TMOD1: variants seen among roughly 807,000 people sequenced by gnomAD.
TMOD1 encodes the protein tropomodulin-1.
TMOD1 carries 17 observed loss-of-function variants against 40.6 expected under a neutral mutation model. That is an observed-to-expected ratio of 0.42 (90% CI 0.29 to 0.63). TMOD1 has a LOEUF of 0.63. TMOD1 is among the 20% of genes least tolerant of loss of function. The probability of loss-of-function intolerance (pLI) is 0.22; values close to 1 mark genes in which losing one functional copy is unlikely to be tolerated. For missense variants in TMOD1, 391 were observed against 447.6 expected (o/e 0.87, Z 1.14); for synonymous variants, 181 against 175.0 (o/e 1.03, Z -0.27).
chr9:97,572,749 C>T (rs1404837555), intron 8 of TMOD1, among the ~76,000 whole-genome samples: 1 of 152,182 alleles, frequency 6.6e-6, no homozygotes, highest in East Asian at 1.9e-4. Flanking sequence ...AGTCTCTGTC[C>T]TTCTTTCTCC....
intron 3 of TMOD1, among the ~76,000 whole-genome samples, chr9:97,549,356 G>C (rs1830413914): frequency 6.6e-6 from 1 of 152,162 alleles, no homozygotes; most frequent in South Asian, 2.1e-4. Context: ...CATGCCACTA[G>C]TAAGATGAAG....
chr9:97,601,681 C>T lies in TMOD1; in HGVS notation c.*1983C>T. 1 of 617,948 alleles carries T rather than the reference C, an allele frequency of 1.6e-6. No individual in the cohort carries two copies. Among genetic ancestry groups the T allele is most frequent in the Non-Finnish European group, 2.0e-6 (1 of 493,640 alleles). 38.3% of individuals were successfully genotyped at this position (617,948 alleles called of 1,614,324 possible). On this transcript the variant is annotated 3_prime_UTR_variant, in exon 10 of 10. Coordinates refer to ENST00000259365, the MANE Select transcript of TMOD1 (RefSeq NM_003275.4). Reference sequence around the variant, plus strand: ...TGTCTGTTGCAACTATTCAACTCTGCCATAGATCATGTGTAAAGGAATGGG... The same window carrying T: ...TGTCTGTTGCAACTATTCAACTCTGTCATAGATCATGTGTAAAGGAATGGG...
intron 1 of TMOD1, among the ~76,000 whole-genome samples, chr9:97,508,062 C>T (rs1466948332): frequency 1.1e-5 from 1 of 90,526 alleles, no homozygotes; most frequent in East Asian, 3.4e-4. Context: ...CTGATTCACA[C>T]ACACACACAC....
At chr9:97,519,525 C>T (rs1052550605) in intron 1 of TMOD1, among the ~76,000 whole-genome samples, 19 of 152,202 alleles carry the variant, frequency 1.2e-4, no homozygotes, top group African/African-American at 3.9e-4. Context: ...TGCTGGGAGC[C>T]CCAGCGGCTT....
At chr9:97,540,136 C>T (rs1830255974) in intron 2 of TMOD1, among the ~76,000 whole-genome samples, 2 of 152,208 alleles carry the variant, frequency 1.3e-5, no homozygotes, top group South Asian at 2.1e-4. Flanking sequence ...TTAGCTGTCA[C>T]TCTCCATCTC....
chr9:97,524,334 A>T (rs1223887362), intron 2 of TMOD1, 26 bp downstream of exon 2: 2 of 1,609,946 alleles, frequency 1.2e-6, no homozygotes, highest in East Asian at 2.2e-5. Context: ...AGGGAAGCAC[A>T]TTGTCACTAG....
At chr9:97,529,217 G>A (rs1186372632) in intron 2 of TMOD1, among the ~76,000 whole-genome samples, 1 of 152,174 alleles carries the variant, frequency 6.6e-6, no homozygotes, top group African/African-American at 2.4e-5. Context: ...AAGAGCCTGA[G>A]GTGCAGAAGT....
chr9:97,539,469 T>TCAGAC (rs1830241999), intron 2 of TMOD1, among the ~76,000 whole-genome samples: 1 of 152,198 alleles, frequency 6.6e-6, no homozygotes, highest in Non-Finnish European at 1.5e-5. Context: ...CATTTGAAAT[T>TCAGAC]TGGCCAGCTC....
At chr9:97,559,158 C>T (rs1243117375) in intron 4 of TMOD1, among the ~76,000 whole-genome samples, 1 of 152,184 alleles carries the variant, frequency 6.6e-6, no homozygotes, top group African/African-American at 2.4e-5. Context: ...ATCCCAGAAC[C>T]CCCGTGAGCT....
intron 2 of TMOD1, among the ~76,000 whole-genome samples, chr9:97,542,376 C>T (rs777897445): frequency 3.4e-4 from 51 of 152,134 alleles, no homozygotes; most frequent in Non-Finnish European, 3.1e-4. Context: ...AGGCCTTTGA[C>T]ATTTTTGTTT....
chr9:97,574,452 C>T (rs544646087), intron 8 of TMOD1, among the ~76,000 whole-genome samples: 21 of 152,346 alleles, frequency 1.4e-4, no homozygotes, highest in African/African-American at 3.6e-4. Context: ...CATGCCTGAG[C>T]TTCCCCCACG....
At chr9:97,542,315 A>T (rs1384137580) in intron 2 of TMOD1, among the ~76,000 whole-genome samples, 1 of 152,222 alleles carries the variant, frequency 6.6e-6, no homozygotes. Flanking sequence ...AATGAGGCTG[A>T]TATTCTCAAT....
At chr9:97,579,416 A>G (rs1389318212) in intron 8 of TMOD1, among the ~76,000 whole-genome samples, 1 of 152,012 alleles carries the variant, frequency 6.6e-6, no homozygotes, top group Non-Finnish European at 1.5e-5. Flanking sequence ...ATCTGCATTA[A>G]CCAACATGGT....
intron 8 of TMOD1, among the ~76,000 whole-genome samples, chr9:97,585,176 A>AGGAGCTC (rs1367242610): frequency 6.6e-6 from 1 of 152,122 alleles, no homozygotes; most frequent in African/African-American, 2.4e-5. Context: ...TGCTTCCTTC[A>AGGAGCTC]GGAGCTCTTG....
rs11790410 is a variant in TMOD1, at chr9:97,559,242, C to T, written c.398-3490C>T. On this transcript the variant is annotated intron_variant, in intron 4 of 9. Coordinates refer to ENST00000259365, the MANE Select transcript of TMOD1 (RefSeq NM_003275.4). ...TGATCTGATTCACCTGCTGCTGACT[C>T]AGGCCTCAGCTTCTGTTGCCCACGT... 2.1e-3 allele frequency among the ~76,000 whole-genome samples: 318 copies of T among 152,258 alleles called. 1 individual carries two copies. The highest frequency in any genetic ancestry group is 4.1e-3 in the Non-Finnish European group (276 of 68,020).
chr9:97,510,784 T>C (rs976864146), intron 1 of TMOD1, among the ~76,000 whole-genome samples: 4 of 152,138 alleles, frequency 2.6e-5, no homozygotes, highest in Non-Finnish European at 5.9e-5. Flanking sequence ...TTGTTTGTAC[T>C]ACAATCGTTA....
intron 4 of TMOD1, among the ~76,000 whole-genome samples, chr9:97,556,137 G>A (rs1208003822): frequency 1.3e-5 from 2 of 152,032 alleles, no homozygotes; most frequent in East Asian, 1.9e-4. Context: ...AATGGAGGAG[G>A]CAGGCCTTCG....
At chr9:97,518,779 G>A (rs939375574) in intron 1 of TMOD1, among the ~76,000 whole-genome samples, 2 of 152,212 alleles carry the variant, frequency 1.3e-5, no homozygotes, top group Non-Finnish European at 2.9e-5. Context: ...CCCTGCAGCC[G>A]AGGGAAGAGA....
intron 1 of TMOD1, among the ~76,000 whole-genome samples, chr9:97,504,619 A>G (rs1829561846): frequency 6.6e-6 from 1 of 152,192 alleles, no homozygotes; most frequent in South Asian, 2.1e-4. Flanking sequence ...AAAAAAAGGT[A>G]AAACGAAGCA....
Sources: allele counts gnomAD v4.1 joint callset (sites outside exome capture counted in the v4.1 genomes callset), GRCh38; gene constraint gnomAD v4.1.1; transcripts MANE v1.5; gene names NCBI Gene and HGNC (gene_info 2026-07-23, HGNC 2026-07-21).